STARD13: variants seen among roughly 807,000 people sequenced by gnomAD.
The protein encoded by STARD13 is StAR related lipid transfer domain containing 13.
A neutral mutation model predicts 106.4 loss-of-function variants in STARD13; 62 were observed. The ratio of observed to expected loss-of-function variants is 0.58; its 90% CI spans 0.48 to 0.72. The LOEUF is 0.72. Ranked by LOEUF, STARD13 falls within the 30% of genes least tolerant of loss-of-function variation. STARD13 has a pLI of 0.00. For synonymous variants in STARD13, 565 were observed against 553.0 expected (o/e 1.02, Z -0.31); for missense variants, 1,387 against 1,424.0 (o/e 0.97, Z 0.42).
chr13:33,528,257 C>CATATATATATATATATATGTATAT, the STARD13 span, among the ~76,000 whole-genome samples: 359 of 92,846 alleles, frequency 3.9e-3, 10 homozygotes, highest in African/African-American at 0.021. Context: ...TATATATATA[C>CATATATATATATATATATGTATAT]ATATATATAT....
chr13:33,272,100 G>C (rs1177419065), intron 1 of STARD13, among the ~76,000 whole-genome samples: 3 of 152,204 alleles, frequency 2.0e-5, no homozygotes, highest in Non-Finnish European at 4.4e-5. Context: ...AAATAAAATA[G>C]TAATATAGGT....
chr13:33,224,497 C>T (rs572895245), intron 1 of STARD13, among the ~76,000 whole-genome samples: 11 of 152,262 alleles, frequency 7.2e-5, no homozygotes, highest in African/African-American at 2.2e-4. Flanking sequence ...AAGGACACAG[C>T]GTGATGGAGA....
chr13:33,170,802 A>T (rs1263586180), intron 1 of STARD13, among the ~76,000 whole-genome samples: 1 of 152,182 alleles, frequency 6.6e-6, no homozygotes, highest in African/African-American at 2.4e-5. Flanking sequence ...CAATTTAAGG[A>T]CAAAGCCAAC....
At chr13:33,209,462 T>TTTC (rs1468274298) in intron 1 of STARD13, among the ~76,000 whole-genome samples, 1 of 151,820 alleles carries the variant, frequency 6.6e-6, no homozygotes, top group Non-Finnish European at 1.5e-5. Context: ...TCTCTCTCTT[T>TTTC]TTTTTTTCCA....
At chr13:33,505,604 C>T in the STARD13 span, among the ~76,000 whole-genome samples, 3 of 152,022 alleles carry the variant, frequency 2.0e-5, no homozygotes, top group Admixed American at 6.6e-5. Context: ...ACAAATCTGC[C>T]GAAGAGCAAT....
upstream of STARD13, chr13:33,285,866 C>T: frequency 9.9e-7 from 1 of 1,007,498 alleles, no homozygotes. Flanking sequence ...CGTTTGCAGT[C>T]AGCCCTAAGC....
chr13:33,292,344 C>G (rs748433820), intron 1 of STARD13, among the ~76,000 whole-genome samples: 1 of 151,770 alleles, frequency 6.6e-6, no homozygotes, highest in Non-Finnish European at 1.5e-5. Flanking sequence ...ATCAGCAGGC[C>G]TGTAATCCCA....
the STARD13 span, among the ~76,000 whole-genome samples, chr13:33,671,269 T>A: frequency 6.6e-6 from 1 of 152,264 alleles, no homozygotes; most frequent in Non-Finnish European, 1.5e-5. Flanking sequence ...TTTAAATTTA[T>A]GATAGTTTCC....
chr13:33,142,457 A>G, intron 3 of STARD13, 84 bp from the exon 4 acceptor site: 1 of 1,298,058 alleles, frequency 7.7e-7, no homozygotes, highest in Admixed American at 1.7e-5. Context: ...TATTTCCAGT[A>G]AAGTTGAAAC....
upstream of STARD13, among the ~76,000 whole-genome samples, chr13:33,286,009 G>C (rs1363843752): frequency 6.6e-6 from 1 of 152,034 alleles, no homozygotes; most frequent in Non-Finnish European, 1.5e-5. Context: ...AAGAAAAAGA[G>C]AGAGGGAAGG....
At chr13:33,567,028 A>G in the STARD13 span, among the ~76,000 whole-genome samples, 2 of 148,274 alleles carry the variant, frequency 1.3e-5, no homozygotes, top group African/African-American at 2.5e-5. Flanking sequence ...ATATTCCCAT[A>G]GTGCAATTCC....
At chr13:33,587,170 T>C in the STARD13 span, among the ~76,000 whole-genome samples, 4 of 150,626 alleles carry the variant, frequency 2.7e-5, no homozygotes, top group Non-Finnish European at 4.4e-5. Flanking sequence ...GAGCCAAGAT[T>C]GTGCCATTGC....
chr13:33,399,233 A>C, the STARD13 span, among the ~76,000 whole-genome samples: 1 of 152,172 alleles, frequency 6.6e-6, no homozygotes, highest in African/African-American at 2.4e-5. Context: ...AATAAGCGAC[A>C]CATATAAAGA....
upstream of STARD13, among the ~76,000 whole-genome samples, chr13:33,288,963 C>T (rs754615874): frequency 4.9e-4 from 74 of 152,082 alleles, 2 homozygotes; most frequent in South Asian, 2.1e-4. Context: ...ATATAGTCCC[C>T]GTGTTAGAAG....
At chr13:33,661,071 C>T in the STARD13 span, among the ~76,000 whole-genome samples, 1 of 152,234 alleles carries the variant, frequency 6.6e-6, no homozygotes, top group Non-Finnish European at 1.5e-5. Flanking sequence ...TGGAAATTCA[C>T]ATTTAATAGG....
chr13:33,663,415 G>A, the STARD13 span, among the ~76,000 whole-genome samples: 3 of 152,188 alleles, frequency 2.0e-5, no homozygotes, highest in African/African-American at 4.8e-5. Flanking sequence ...TTAGCTGCTA[G>A]GGTATAGTTT....
intron 1 of STARD13, among the ~76,000 whole-genome samples, chr13:33,301,558 C>CTTTTTTTTTTTTTTTTTTTTTTTTT (rs1435191465): frequency 7.7e-5 from 1 of 13,040 alleles, no homozygotes; most frequent in Admixed American, 1.5e-3. Flanking sequence ...GTTTCTTTTT[C>CTTTTTTTTTTTTTTTTTTTTTTTTT]TTTTTTTTTC....
chr13:33,277,078 T>G (rs533967315), intron 1 of STARD13, among the ~76,000 whole-genome samples: 22 of 152,006 alleles, frequency 1.4e-4, no homozygotes, highest in Non-Finnish European at 2.8e-4. Flanking sequence ...AATTCATGTC[T>G]TTTCAAACAG....
the STARD13 span, among the ~76,000 whole-genome samples, chr13:33,448,834 CG>C: frequency 5.9e-5 from 9 of 152,072 alleles, no homozygotes; most frequent in African/African-American, 2.2e-4. Context: ...TGCATTTCCC[CG>C]ATGATTAAAA....
Sources: allele counts gnomAD v4.1 joint callset (sites outside exome capture counted in the v4.1 genomes callset), GRCh38; gene constraint gnomAD v4.1.1; transcripts MANE v1.5; gene names NCBI Gene and HGNC (gene_info 2026-07-23, HGNC 2026-07-21).